CPEB3: variants seen among roughly 807,000 people sequenced by gnomAD.
CPEB3 encodes the protein cytoplasmic polyadenylation element-binding protein 3.
Under a neutral mutation model 67.2 loss-of-function variants are expected in CPEB3, and 20 were observed. That is an observed-to-expected ratio of 0.30 (90% CI 0.21 to 0.43). The LOEUF is 0.43. CPEB3 is among the 20% of genes least tolerant of loss of function. The pLI is 1.00. For missense variants in CPEB3, 746 were observed against 968.6 expected (o/e 0.77, Z 3.05); for synonymous variants, 376 against 393.1 (o/e 0.96, Z 0.51).
intron 3 of CPEB3, among the ~76,000 whole-genome samples, chr10:92,187,615 T>C (rs1458328662): frequency 6.6e-6 from 1 of 152,206 alleles, no homozygotes; most frequent in Non-Finnish European, 1.5e-5. Flanking sequence ...GAGAATATGA[T>C]TAATCAAACC....
At chr10:92,204,904 T>C (rs1237525919) in intron 2 of CPEB3, among the ~76,000 whole-genome samples, 1 of 147,980 alleles carries the variant, frequency 6.8e-6, no homozygotes, top group Non-Finnish European at 1.5e-5. Flanking sequence ...AAAGTGGTAC[T>C]ATAATGGCTC....
chr10:92,183,256 C>A (rs1042808645), intron 3 of CPEB3, among the ~76,000 whole-genome samples: 1 of 152,048 alleles, frequency 6.6e-6, no homozygotes, highest in South Asian at 2.1e-4. Context: ...ATTTCAAAAA[C>A]TACCCCATTG....
rs912187933 is a variant in CPEB3, at chr10:92,203,526, A to T, written c.1006-10890T>A. On this transcript the variant is annotated intron_variant, in intron 2 of 9. Transcript: ENST00000265997. ...TGTGTGTGTATATATATATATATATATATTTTTTTTTTAGAGGTGTAGCTG... is the reference window on the plus strand; with the variant it reads ...TGTGTGTGTATATATATATATATATTTATTTTTTTTTTAGAGGTGTAGCTG... Among the ~76,000 whole-genome samples the T allele has an allele frequency of 4.4e-3, 481 of 108,988 alleles. 2 individuals carry two copies. The highest frequency in any genetic ancestry group is 0.019 in the African/African-American group (321 of 17,248). 71.5% of individuals were successfully genotyped at this position (108,988 alleles called of 152,430 possible). A position where few individuals can be genotyped will look rare whatever the true frequency, so the allele number is the denominator to read the frequency against.
chr10:92,280,069 G>A (rs556263209), intron 1 of CPEB3, among the ~76,000 whole-genome samples: 84 of 151,832 alleles, frequency 5.5e-4, no homozygotes, highest in Non-Finnish European at 8.8e-4. Flanking sequence ...GAGGCCAGGC[G>A]TGGTGGCTCA....
intron 4 of CPEB3, among the ~76,000 whole-genome samples, chr10:92,146,339 G>T (rs143630384): frequency 6.6e-6 from 1 of 151,524 alleles, no homozygotes; most frequent in East Asian, 1.9e-4. Flanking sequence ...TGACTTCCTA[G>T]CAAAACTTTC....
chr10:92,188,487 T>G (rs1440475640), intron 3 of CPEB3, among the ~76,000 whole-genome samples: 1 of 151,968 alleles, frequency 6.6e-6, no homozygotes, highest in Non-Finnish European at 1.5e-5. Flanking sequence ...TTTGGGAGGC[T>G]AAGCCTGGCA....
intron 6 of CPEB3, among the ~76,000 whole-genome samples, chr10:92,117,495 A>G (rs1290835680): frequency 1.4e-5 from 2 of 146,292 alleles, no homozygotes; most frequent in East Asian, 4.1e-4. Context: ...ACACCCGGCT[A>G]ATTTTTTTGT....
rs1851775149 is a variant in CPEB3 at position 92,240,214 on chromosome 10, T to C, written c.137A>G (p.Lys46Arg). The C allele has an allele frequency of 6.6e-7, 1 of 1,511,396 alleles. No individual in the cohort carries two copies. The highest frequency in any genetic ancestry group is 8.9e-7 in the Non-Finnish European group (1 of 1,127,154). The allele number at this position is 1,511,396 out of a possible 1,614,324, so 93.6% of individuals were successfully genotyped here. Residue 46 changes from lysine (K) to arginine (R), a missense_variant, in exon 2 of 10, where the codon AAG (lysine) becomes AGG (arginine). Physicochemically the swap from Lys to Arg is conservative, Grantham distance 26. Around this residue, in one of 2 missense-constraint regions of CPEB3, gnomAD observed 643 missense variants for 717.5 expected, o/e 0.90. Transcript: ENST00000265997. ...CGGCACTGCGCTGTTTTCCTCCGGC[T>C]TGGGGGTCTCTGAGGAGAGGGGCGT... is the stretch of plus-strand genomic sequence containing the variant. ...PSTPLSSETPKPEENSAVPAL... is the reference protein window; with the variant it reads ...PSTPLSSETPRPEENSAVPAL...
chr10:92,289,732 A>AAAAAAAAAAAAAAAATAT lies in CPEB3; in HGVS notation c.-12+1193_-12+1194insATATTTTTTTTTTTTTTT. Among the ~76,000 whole-genome samples, 65 of 75,762 alleles carry AAAAAAAAAAAAAAAATAT rather than the reference A, an allele frequency of 8.6e-4. 2 individuals carry two copies. The highest frequency in any genetic ancestry group is 2.2e-3 in the African/African-American group (43 of 19,594). The allele number at this position is 75,762 out of a possible 152,430, so 49.7% of individuals were successfully genotyped here. On this transcript the variant is annotated intron_variant, in intron 1 of 9. Transcript: ENST00000265997. Reference sequence around the variant, plus strand: ...CGCGTCTCTACCAAAAAAAAAAAAAAATATATATATATATATATATATATA... The same window carrying AAAAAAAAAAAAAAAATAT: ...CGCGTCTCTACCAAAAAAAAAAAAAAAAAAAAAAAAAAAAATATATATATATATATATATATATATATA...
At chr10:92,282,770 C>A (rs1330572197) in intron 1 of CPEB3, among the ~76,000 whole-genome samples, 1 of 152,164 alleles carries the variant, frequency 6.6e-6, no homozygotes, top group Non-Finnish European at 1.5e-5. Context: ...CTCTTAATGT[C>A]CTTTAGAGAG....
chr10:92,188,871 G>C (rs1019707090), intron 3 of CPEB3, among the ~76,000 whole-genome samples: 3 of 152,122 alleles, frequency 2.0e-5, no homozygotes, highest in Admixed American at 6.5e-5. Flanking sequence ...TATCATGGGG[G>C]ATGAAATAGA....
At chr10:92,088,263 T>C (rs1357953131) in intron 8 of CPEB3, among the ~76,000 whole-genome samples, 1 of 149,342 alleles carries the variant, frequency 6.7e-6, no homozygotes, top group Admixed American at 6.8e-5. Context: ...GGTCTTACTG[T>C]CACCCAGGCT....
rs544498537 is a variant in CPEB3 at position 92,145,678 on chromosome 10, C to T, written c.1223-593G>A. On this transcript the variant is annotated intron_variant, in intron 4 of 9. Coordinates refer to ENST00000265997, the MANE Select transcript of CPEB3 (RefSeq NM_014912.5). The stretch of plus-strand genomic sequence containing the variant: ...CATCAAAATTTCAGTGGTTTCCTTG[C>T]TAAAAAATCACTGCATTTTACTCAT... Among the ~76,000 whole-genome samples, 101 of 150,040 alleles carry T rather than the reference C, an allele frequency of 6.7e-4. No homozygotes were observed. In the South Asian group the frequency reaches 0.012, roughly 17 times the overall value.
At chr10:92,257,110 T>TTAA (rs1183228677) in intron 1 of CPEB3, among the ~76,000 whole-genome samples, 1 of 152,230 alleles carries the variant, frequency 6.6e-6, no homozygotes, top group Non-Finnish European at 1.5e-5. Context: ...AATACAAAGT[T>TTAA]TAATGTTTAT....
intron 1 of CPEB3, among the ~76,000 whole-genome samples, chr10:92,245,372 G>A (rs866264148): frequency 6.6e-6 from 1 of 151,704 alleles, no homozygotes; most frequent in Non-Finnish European, 1.5e-5. Context: ...TCCTGACCTC[G>A]TGATTTGCCC....
intron 8 of CPEB3, among the ~76,000 whole-genome samples, chr10:92,083,869 A>G (rs1486449042): frequency 6.6e-6 from 1 of 152,176 alleles, no homozygotes; most frequent in Non-Finnish European, 1.5e-5. Flanking sequence ...AGATTTTTCT[A>G]CACCACAGTG....
At chr10:92,097,456 C>T (rs565136560) in intron 7 of CPEB3, among the ~76,000 whole-genome samples, 1 of 152,260 alleles carries the variant, frequency 6.6e-6, no homozygotes, top group East Asian at 1.9e-4. Flanking sequence ...AGCACGTATT[C>T]CTATGGAAGC....
intron 6 of CPEB3, among the ~76,000 whole-genome samples, chr10:92,136,278 C>A (rs2133767740): frequency 6.6e-6 from 1 of 152,094 alleles, no homozygotes; most frequent in South Asian, 2.1e-4. Context: ...TTGGTCTGGG[C>A]ACAAAGATTT....
chr10:92,163,961 C>T (rs182353050), intron 4 of CPEB3, among the ~76,000 whole-genome samples: 19 of 152,278 alleles, frequency 1.2e-4, no homozygotes, highest in Admixed American at 9.8e-4. Context: ...TTCTCTTTTA[C>T]TCTTACACAT....
Sources: allele counts gnomAD v4.1 joint callset (sites outside exome capture counted in the v4.1 genomes callset), GRCh38; gene constraint gnomAD v4.1.1; regional missense constraint gnomAD v4.1.1; transcripts MANE v1.5; gene names NCBI Gene and HGNC (gene_info 2026-07-23, HGNC 2026-07-21).